The following GPC6 variants were observed in gnomAD, a reference collection of about 807,000 sequenced individuals.
GPC6 encodes the protein glypican-6.
GPC6 carries 14 observed loss-of-function variants against 55.2 expected under a neutral mutation model. The ratio of observed to expected loss-of-function variants is 0.25; its 90% confidence interval spans 0.17 to 0.40. The LOEUF (loss-of-function observed/expected upper bound fraction) is 0.40. Ranked by LOEUF, GPC6 falls within the 10% of genes least tolerant of loss-of-function variation. The probability of loss-of-function intolerance (pLI) is 1.00; values close to 1 mark genes in which losing one functional copy is unlikely to be tolerated. For synonymous variants in GPC6, 278 were observed against 259.6 expected, an observed-to-expected ratio of 1.07 and a Z score of -0.68; for missense variants, 641 against 708.5, an observed-to-expected ratio of 0.90 and a Z score of 1.08.
chr13:94,104,956 GA>G (rs1481730115), intron 4 of GPC6, among the ~76,000 whole-genome samples: 1 of 151,976 alleles, frequency 6.6e-6, no homozygotes, highest in African/African-American at 2.4e-5. Context: ...CACAGAATTG[GA>G]AAAAACTACT....
At chr13:93,863,050 T>C (rs1021874440) in intron 3 of GPC6, among the ~76,000 whole-genome samples, 17 of 151,692 alleles carry the variant, frequency 1.1e-4, no homozygotes, top group Non-Finnish European at 2.2e-4. Context: ...TTTTGGCCTC[T>C]CCTTGTTTAT....
chr13:94,237,071 T>C (rs1047734535), intron 4 of GPC6, among the ~76,000 whole-genome samples: 2 of 152,130 alleles, frequency 1.3e-5, no homozygotes, highest in African/African-American at 4.8e-5. Flanking sequence ...GGAAACAAGA[T>C]GCAAGAAGTT....
intron 4 of GPC6, among the ~76,000 whole-genome samples, chr13:94,093,866 G>A (rs898881517): frequency 3.9e-5 from 6 of 152,060 alleles, no homozygotes; most frequent in South Asian, 2.1e-4. Context: ...AGCTCACTGA[G>A]TATTCAGTGT....
chr13:94,340,430 T>C (rs890861639), intron 6 of GPC6, among the ~76,000 whole-genome samples: 2 of 152,198 alleles, frequency 1.3e-5, no homozygotes, highest in Non-Finnish European at 2.9e-5. Context: ...ATCATTCCAT[T>C]CCCACAGCTC....
chr13:93,939,619 C>G (rs1878622234), intron 3 of GPC6, among the ~76,000 whole-genome samples: 1 of 151,700 alleles, frequency 6.6e-6, no homozygotes, highest in Non-Finnish European at 1.5e-5. Context: ...AGCAATAACA[C>G]TAAAATTTTT....
intron 1 of GPC6, among the ~76,000 whole-genome samples, chr13:93,258,335 T>C (rs1463056077): frequency 6.6e-6 from 1 of 152,148 alleles, no homozygotes; most frequent in Non-Finnish European, 1.5e-5. Context: ...CAAATGGCAC[T>C]CATGGAGGTT....
intron 4 of GPC6, among the ~76,000 whole-genome samples, chr13:94,271,041 G>C (rs899549252): frequency 1.5e-5 from 2 of 135,100 alleles, no homozygotes; most frequent in African/African-American, 2.8e-5. Context: ...CCAGGCTGGA[G>C]TGCAGTGGCG....
At chr13:93,689,439 G>A (rs115063355) in intron 2 of GPC6, among the ~76,000 whole-genome samples, 174 of 152,128 alleles carry the variant, frequency 1.1e-3, no homozygotes, top group African/African-American at 3.7e-3. Flanking sequence ...TGCAAAACAA[G>A]GAGTATCAAG....
At chr13:94,353,576 TA>T (rs1449869569) in intron 6 of GPC6, among the ~76,000 whole-genome samples, 2 of 148,816 alleles carry the variant, frequency 1.3e-5, no homozygotes, top group South Asian at 4.2e-4. Flanking sequence ...GCGAGGAGCA[TA>T]TATATATATA....
intron 2 of GPC6, among the ~76,000 whole-genome samples, chr13:93,778,668 T>G (rs1486135359): frequency 6.6e-6 from 1 of 152,142 alleles, no homozygotes; most frequent in Non-Finnish European, 1.5e-5. Context: ...CAGGACAAAT[T>G]ATTTATTTCA....
At chr13:94,385,917 A>T (rs1880381653) in intron 7 of GPC6, among the ~76,000 whole-genome samples, 1 of 152,190 alleles carries the variant, frequency 6.6e-6, no homozygotes, top group South Asian at 2.1e-4. Flanking sequence ...AATGGTTGTT[A>T]AAAAAAGAAA....
chr13:93,579,149 G>A (rs1171048234), intron 2 of GPC6, among the ~76,000 whole-genome samples: 1 of 152,078 alleles, frequency 6.6e-6, no homozygotes, highest in Non-Finnish European at 1.5e-5. Flanking sequence ...TATACAGTTA[G>A]ATAGAAGAAA....
intron 2 of GPC6, among the ~76,000 whole-genome samples, chr13:93,639,913 C>T (rs1196156139): frequency 1.3e-5 from 2 of 152,036 alleles, no homozygotes; most frequent in Admixed American, 6.6e-5. Flanking sequence ...TTAACAATGT[C>T]TGTAGCTTTA....
chr13:93,820,246 T>G (rs1432160059), intron 2 of GPC6, among the ~76,000 whole-genome samples: 1 of 152,142 alleles, frequency 6.6e-6, no homozygotes, highest in Non-Finnish European at 1.5e-5. Flanking sequence ...ACAATTGTCC[T>G]GAATAATGCA....
chr13:93,777,782 A>G (rs1478123655), intron 2 of GPC6, among the ~76,000 whole-genome samples: 1 of 152,198 alleles, frequency 6.6e-6, no homozygotes, highest in African/African-American at 2.4e-5. Context: ...GTACCTACAT[A>G]TATCTATACA....
At chr13:93,226,491 C>T (rs901026794), upstream of GPC6, 1 of 152,202 alleles carries the variant, frequency 6.6e-6, no homozygotes, top group African/African-American at 2.4e-5. Context: ...ATGACTATTT[C>T]CACTCTGGCT....
chr13:93,561,882 C>G (rs1875834575), intron 2 of GPC6, among the ~76,000 whole-genome samples: 1 of 152,068 alleles, frequency 6.6e-6, no homozygotes, highest in Admixed American at 6.5e-5. Flanking sequence ...CCATTGCAGG[C>G]TTGGGGAGAA....
At chr13:94,313,084 T>TA (rs1264949548) in intron 6 of GPC6, among the ~76,000 whole-genome samples, 1 of 151,686 alleles carries the variant, frequency 6.6e-6, no homozygotes, top group East Asian at 1.9e-4. Flanking sequence ...AGGGAGAAAA[T>TA]AAAAAAACGT....
chr13:93,664,342 T>C (rs565149240), intron 2 of GPC6, among the ~76,000 whole-genome samples: 2 of 152,310 alleles, frequency 1.3e-5, no homozygotes, highest in East Asian at 3.9e-4. Context: ...ATGCATGGGA[T>C]TCAGTGAACT....
Sources: gnomAD v4.1 joint callset for allele counts (sites outside exome capture counted in the v4.1 genomes callset) on GRCh38, gnomAD v4.1.1 for gene constraint, MANE v1.5 for transcripts, NCBI Gene and HGNC (gene_info 2026-07-23, HGNC 2026-07-21) for gene names.